The following ARSG variants were observed in gnomAD, a reference collection of about 807,000 sequenced individuals.
ARSG encodes the protein arylsulfatase G.
ARSG carries 37 observed loss-of-function variants against 50.5 expected under a neutral mutation model. The observed-to-expected ratio is 0.73, with a 90% CI of 0.56 to 0.96. The LOEUF (loss-of-function observed/expected upper bound fraction) is 0.96. ARSG is among the 50% of genes least tolerant of loss of function. The pLI is 0.00. For synonymous variants in ARSG, 225 were observed against 254.6 expected (o/e 0.88, Z 1.11); for missense variants, 629 against 675.3 (o/e 0.93, Z 0.76).
chr17:68,441,448 G>T, the ARSG span, among the ~76,000 whole-genome samples: 1 of 152,206 alleles, frequency 6.6e-6, no homozygotes, highest in African/African-American at 2.4e-5. Context: ...ACCCAGCAAG[G>T]ATTTATAAAA....
intron 1 of ARSG, among the ~76,000 whole-genome samples, chr17:68,292,660 C>T (rs2145271934): frequency 6.6e-6 from 1 of 152,210 alleles, no homozygotes; most frequent in East Asian, 1.9e-4. Context: ...GGGTCGCCAC[C>T]GGGAGGAGTC....
chr17:68,391,395 G>A (rs1245611568), intron 9 of ARSG, among the ~76,000 whole-genome samples: 4 of 152,160 alleles, frequency 2.6e-5, no homozygotes, highest in African/African-American at 9.7e-5. Flanking sequence ...TGGGCGAGAG[G>A]CTTTCTTTGT....
At chr17:68,342,345 T>C (rs1389845452) in intron 2 of ARSG, among the ~76,000 whole-genome samples, 1 of 150,608 alleles carries the variant, frequency 6.6e-6, no homozygotes, top group Non-Finnish European at 1.5e-5. Flanking sequence ...TATATACATA[T>C]ATATATGTAT....
At chr17:68,412,904 TG>T (rs2082096289) in intron 11 of ARSG, among the ~76,000 whole-genome samples, 1 of 152,200 alleles carries the variant, frequency 6.6e-6, no homozygotes, top group Non-Finnish European at 1.5e-5. Context: ...TTCTTCCAGT[TG>T]ATCGCACCGG....
chr17:68,409,785 T>A (rs1450172304), intron 11 of ARSG, among the ~76,000 whole-genome samples: 1 of 151,382 alleles, frequency 6.6e-6, no homozygotes, highest in Admixed American at 6.6e-5. Flanking sequence ...GTTCGTATCC[T>A]CTTTTATTTC....
chr17:68,424,403 A>G (rs756971319), downstream of ARSG: 3 of 532,588 alleles, frequency 5.6e-6, no homozygotes, highest in Non-Finnish European at 1.2e-5. Context: ...AGAGGGTTCC[A>G]CGGATCTGCG....
intron 8 of ARSG, among the ~76,000 whole-genome samples, chr17:68,383,398 GAT>G (rs1224733485): frequency 1.8e-4 from 27 of 152,300 alleles, no homozygotes; most frequent in African/African-American, 6.5e-4. Flanking sequence ...CTGGTTGACC[GAT>G]AGAGCTAATG....
intron 1 of ARSG, among the ~76,000 whole-genome samples, chr17:68,261,261 G>A (rs1265803967): frequency 4.6e-5 from 7 of 152,136 alleles, no homozygotes; most frequent in Non-Finnish European, 8.8e-5. Context: ...ATGGAGCACC[G>A]CCTACTGGGT....
At chr17:68,347,961 T>C (rs2078588298) in intron 4 of ARSG, among the ~76,000 whole-genome samples, 3 of 152,344 alleles carry the variant, frequency 2.0e-5, no homozygotes, top group Admixed American at 6.5e-5. Flanking sequence ...TGTTCTGTCC[T>C]AGACCTGGCG....
chr17:68,312,771 C>G (rs2145699153), intron 2 of ARSG, among the ~76,000 whole-genome samples: 1 of 152,278 alleles, frequency 6.6e-6, no homozygotes, highest in South Asian at 2.1e-4. Context: ...TCGCTGGTTT[C>G]TCCCACTGCC....
At chr17:68,352,094 AGAGAGAGAGAGAGAGAGAGACAGAG>A (rs1206445652) in intron 5 of ARSG, among the ~76,000 whole-genome samples, 8 of 125,078 alleles carry the variant, frequency 6.4e-5, no homozygotes, top group African/African-American at 1.5e-4. Flanking sequence ...CAGAGGAGAG[AGAGAGAGAGAGAGAGAGAGACAGAG>A]GAGAGAGAGA....
intron 3 of ARSG, 173 bp from the exon 4 acceptor site, chr17:68,346,952 C>T (rs773961849): frequency 1.3e-5 from 19 of 1,514,970 alleles, no homozygotes; most frequent in South Asian, 7.1e-5. Flanking sequence ...CTGTGGACAC[C>T]GTCTCGGCCC....
intron 1 of ARSG, among the ~76,000 whole-genome samples, chr17:68,299,336 G>A (rs1473200949): frequency 3.3e-5 from 5 of 151,800 alleles, no homozygotes; most frequent in Admixed American, 2.0e-4. Context: ...AACTCCTGAC[G>A]TCAGGTGATC....
chr17:68,425,693 T>G (rs2083122049), downstream of ARSG, among the ~76,000 whole-genome samples: 1 of 152,136 alleles, frequency 6.6e-6, no homozygotes. Flanking sequence ...AAGGCAGCAT[T>G]CTGCAAACGC....
At chr17:68,424,285 C>T (rs80130707), downstream of ARSG, among the ~76,000 whole-genome samples, 390 of 152,294 alleles carry the variant, frequency 2.6e-3, 2 homozygotes, top group African/African-American at 8.9e-3. Flanking sequence ...TAAAAGCTCA[C>T]GCTGCGACCG....
At chr17:68,338,771 G>A (rs544200471) in intron 2 of ARSG, among the ~76,000 whole-genome samples, 14 of 152,320 alleles carry the variant, frequency 9.2e-5, no homozygotes, top group South Asian at 2.1e-4. Flanking sequence ...CGCCCTGTTC[G>A]TAGTTCAAGC....
chr17:68,263,700 G>A (rs2075108232), intron 1 of ARSG, among the ~76,000 whole-genome samples: 3 of 151,988 alleles, frequency 2.0e-5, no homozygotes, highest in African/African-American at 7.2e-5. Flanking sequence ...TTCACTCACC[G>A]TGGCTTCCTG....
chr17:68,269,068 A>G, intron 1 of ARSG: 2 of 1,580,880 alleles, frequency 1.3e-6, no homozygotes, highest in Non-Finnish European at 1.7e-6. Flanking sequence ...TCCAGCCAAC[A>G]CAGTGGCTGT....
intron 7 of ARSG, 109 bp downstream of exon 7, chr17:68,368,853 G>T: frequency 7.9e-7 from 1 of 1,273,170 alleles, no homozygotes; most frequent in Non-Finnish European, 1.1e-6. Context: ...AGGTCAGGAG[G>T]CTTGCTTTGA....
Sources: allele counts gnomAD v4.1 joint callset (sites outside exome capture counted in the v4.1 genomes callset), GRCh38; gene constraint gnomAD v4.1.1; transcripts MANE v1.5; gene names NCBI Gene and HGNC (gene_info 2026-07-23, HGNC 2026-07-21).